PARD3B: variants seen among roughly 807,000 people sequenced by gnomAD.
PARD3B encodes the protein par-3 family cell polarity regulator beta, also known as partitioning defective 3 homolog B.
In PARD3B, 103 loss-of-function variants were observed where a neutral mutation model predicts 130.2. The ratio of observed to expected loss-of-function variants is 0.79; its 90% confidence interval spans 0.67 to 0.93. The LOEUF is 0.93. Among genes scored for constraint, PARD3B ranks in the 40% least tolerant of loss-of-function variants. PARD3B has a pLI of 0.00. For missense variants in PARD3B, 1,609 were observed against 1,499.2 expected, an observed-to-expected ratio of 1.07 and a Z score of -1.21; for synonymous variants, 583 against 553.2, an observed-to-expected ratio of 1.05 and a Z score of -0.76.
chr2:205,219,234 A>T (rs1470203068), intron 15 of PARD3B, among the ~76,000 whole-genome samples: 1 of 152,178 alleles, frequency 6.6e-6, no homozygotes, highest in Non-Finnish European at 1.5e-5. Flanking sequence ...TTTAATATGT[A>T]TGTGTAATCG....
chr2:205,282,005 T>C (rs1341053632), intron 16 of PARD3B, among the ~76,000 whole-genome samples: 1 of 152,238 alleles, frequency 6.6e-6, no homozygotes, highest in Non-Finnish European at 1.5e-5. Context: ...AAAAATGTTT[T>C]TTTAAACAAA....
chr2:205,234,033 G>A (rs2038958161), intron 15 of PARD3B, among the ~76,000 whole-genome samples: 1 of 152,154 alleles, frequency 6.6e-6, no homozygotes, highest in South Asian at 2.1e-4. Context: ...AAGAGGCAGA[G>A]TAGGGGAAAG....
At chr2:205,512,288 G>A (rs2106373199) in intron 21 of PARD3B, among the ~76,000 whole-genome samples, 1 of 152,180 alleles carries the variant, frequency 6.6e-6, no homozygotes, top group African/African-American at 2.4e-5. Context: ...TGATACCACT[G>A]AATTTTAGCG....
intron 18 of PARD3B, among the ~76,000 whole-genome samples, chr2:205,349,154 T>C (rs151032576): frequency 1.3e-5 from 2 of 152,288 alleles, no homozygotes; most frequent in African/African-American, 2.4e-5. Flanking sequence ...GCCTGTACTT[T>C]GGGGCAGAAA....
At chr2:205,412,649 C>G (rs986390096) in intron 19 of PARD3B, among the ~76,000 whole-genome samples, 1 of 152,172 alleles carries the variant, frequency 6.6e-6, no homozygotes, top group African/African-American at 2.4e-5. Flanking sequence ...ATTTCCACCC[C>G]TGACCAATAT....
At chr2:204,566,117 T>C (rs1318066806) in intron 1 of PARD3B, among the ~76,000 whole-genome samples, 1 of 152,250 alleles carries the variant, frequency 6.6e-6, no homozygotes, top group African/African-American at 2.4e-5. Flanking sequence ...ACATAGTTGT[T>C]TCAAGGATAA....
intron 2 of PARD3B, among the ~76,000 whole-genome samples, chr2:204,914,724 G>A (rs894775980): frequency 6.6e-6 from 1 of 152,176 alleles, no homozygotes; most frequent in Non-Finnish European, 1.5e-5. Context: ...GCTGTACAGA[G>A]AGAGGGAAAG....
chr2:205,038,853 C>T (rs556975952), intron 3 of PARD3B, among the ~76,000 whole-genome samples: 5 of 152,094 alleles, frequency 3.3e-5, no homozygotes, highest in Non-Finnish European at 7.4e-5. Context: ...CGTTTTATGG[C>T]AATAGTGGGA....
chr2:205,169,945 T>C (rs113116576), intron 11 of PARD3B, among the ~76,000 whole-genome samples: 4,305 of 151,392 alleles, frequency 0.028, 106 homozygotes, highest in African/African-American at 0.063. Context: ...TTTTTTTTTT[T>C]TGGAGATGGA....
chr2:205,341,751 A>T lies in PARD3B; in HGVS notation c.2630+40050A>T, dbSNP rs2043539039. Among the ~76,000 whole-genome samples, 1 of 152,128 alleles carries T rather than the reference A, an allele frequency of 6.6e-6. No homozygotes were observed. Among genetic ancestry groups the T allele is most frequent in the Admixed American group, 6.6e-5 (1 of 15,262 alleles). ...TGAATGTTCCCAACACGAAGAAATG[A>T]TGCATGTTTGAAATGATGGATATGC... On this transcript the variant is annotated intron_variant, in intron 18 of 22. Coordinates refer to ENST00000406610, the MANE Select transcript of PARD3B (RefSeq NM_001302769.2). The surrounding 1 kb of genome is among the most constrained non-coding windows in gnomAD (Gnocchi z 4.3).
intron 21 of PARD3B, among the ~76,000 whole-genome samples, chr2:205,539,131 A>G (rs370497613): frequency 9.2e-5 from 14 of 152,262 alleles, no homozygotes; most frequent in African/African-American, 3.4e-4. Flanking sequence ...TCCAGTTAGA[A>G]TTAATTAATG....
intron 2 of PARD3B, among the ~76,000 whole-genome samples, chr2:204,735,604 C>T (rs549891763): frequency 2.0e-5 from 3 of 152,032 alleles, no homozygotes; most frequent in East Asian, 1.9e-4. Context: ...CACAGCCAAA[C>T]GTAATATATG....
chr2:205,146,669 A>G lies in PARD3B; in HGVS notation c.1435-12053A>G, dbSNP rs557684025. ...CCGCCTCAAAAAAAAAAATTGTTAC[A>G]TCATATTGTTTGTTCCTGAATCTTA... On this transcript the variant is annotated intron_variant, in intron 10 of 22. Transcript: ENST00000406610. The surrounding 1 kb of genome is among the most constrained non-coding windows in gnomAD (Gnocchi z 4.3). Among the ~76,000 whole-genome samples, 2 of 152,078 alleles carry G rather than the reference A, an allele frequency of 1.3e-5. No homozygotes were observed. Among genetic ancestry groups the G allele is most frequent in the South Asian group, 4.2e-4 (2 of 4,804 alleles).
At chr2:204,594,912 A>G (rs779968576) in intron 1 of PARD3B, among the ~76,000 whole-genome samples, 3 of 152,162 alleles carry the variant, frequency 2.0e-5, no homozygotes, top group Non-Finnish European at 2.9e-5. Flanking sequence ...AGGTGCTTTT[A>G]TTCACTTTCT....
In PARD3B at chr2:205,274,269, TC is replaced by T. The variant is rs2105809777; in HGVS notation, c.2186-26258del. Reference sequence around the variant, plus strand: ...TGTGTGAATAGGCAACATGTTTACCTCCCTTCACTATAGCATATTGGTATTA... The same window carrying T: ...TGTGTGAATAGGCAACATGTTTACCTCCTTCACTATAGCATATTGGTATTA... On this transcript the variant is annotated intron_variant, in intron 16 of 22. Coordinates refer to ENST00000406610, the MANE Select transcript of PARD3B (RefSeq NM_001302769.2). The surrounding 1 kb of genome is among the most constrained non-coding windows in gnomAD (Gnocchi z 4.2). Among the ~76,000 whole-genome samples, 1 of 152,266 alleles carries T rather than the reference TC, an allele frequency of 6.6e-6. No individual in the cohort carries two copies. The highest frequency in any genetic ancestry group is 2.4e-5 in the African/African-American group (1 of 41,582).
At position 205,440,763 on chromosome 2, in the gene PARD3B, A is replaced by G. The variant is rs2047688092; in HGVS notation, c.3044+91A>G. ...GAAACCGATAAAAAATGTCTCCTTC[A>G]ATCAATTAAAACTGAAACGAGTCAG... On this transcript the variant is annotated intron_variant, in intron 20 of 22. Coordinates refer to ENST00000406610, the MANE Select transcript of PARD3B (RefSeq NM_001302769.2). The surrounding 1 kb of genome is among the most constrained non-coding windows in gnomAD (Gnocchi z 4.2). The G allele has an allele frequency of 7.5e-7, 1 of 1,328,494 alleles. No homozygotes were observed. 82.3% of individuals were successfully genotyped at this position (1,328,494 alleles called of 1,614,324 possible). A position where few individuals can be genotyped will look rare whatever the true frequency, so the allele number is the denominator to read the frequency against.
intron 1 of PARD3B, among the ~76,000 whole-genome samples, chr2:204,660,564 G>T (rs1172789524): frequency 6.6e-6 from 1 of 152,122 alleles, no homozygotes; most frequent in Non-Finnish European, 1.5e-5. Context: ...TTCAGATAAT[G>T]TATAATAAAT....
chr2:204,910,235 TA>T (rs35645083), intron 2 of PARD3B, among the ~76,000 whole-genome samples: 31,126 of 152,062 alleles, frequency 0.2, 3,909 homozygotes, highest in Non-Finnish European at 0.29. Flanking sequence ...GAAAATTTCA[TA>T]AAAGAGGTTT....
intron 1 of PARD3B, among the ~76,000 whole-genome samples, chr2:204,650,064 GAAAA>G (rs917055496): frequency 6.6e-6 from 1 of 151,406 alleles, no homozygotes. Context: ...AAATTTACAA[GAAAA>G]AAAACCCATT....
Sources: gnomAD v4.1 joint callset for allele counts (sites outside exome capture counted in the v4.1 genomes callset) on GRCh38, gnomAD v4.1.1 for gene constraint, Gnocchi (gnomAD v3.1) non-coding constraint, MANE v1.5 for transcripts, NCBI Gene and HGNC (gene_info 2026-07-23, HGNC 2026-07-21) for gene names.